FOXO3: variants seen among roughly 807,000 people sequenced by gnomAD.
FOXO3 encodes the protein forkhead box O3.
In FOXO3, 4 loss-of-function variants were observed where a neutral mutation model predicts 41.9. That is an observed-to-expected ratio of 0.10 (90% CI 0.05 to 0.22). The LOEUF is 0.22. Ranked by LOEUF, FOXO3 falls within the 10% of genes least tolerant of loss-of-function variation. The pLI is 1.00. For synonymous variants in FOXO3, 318 were observed against 389.3 expected (o/e 0.82, Z 2.16); for missense variants, 534 against 906.8 (o/e 0.59, Z 5.28).
chr6:108,623,909 T>G (rs939818260), intron 1 of FOXO3, among the ~76,000 whole-genome samples: 18 of 152,336 alleles, frequency 1.2e-4, no homozygotes, highest in African/African-American at 4.3e-4. Flanking sequence ...TAGTTGTTTG[T>G]TAAATGGACT....
At chr6:108,644,339 T>C (rs1778338250) in intron 1 of FOXO3, among the ~76,000 whole-genome samples, 1 of 152,224 alleles carries the variant, frequency 6.6e-6, no homozygotes, top group Non-Finnish European at 1.5e-5. Flanking sequence ...ATGCACTTAA[T>C]AAATGTTAGC....
Position 108,637,443 on chromosome 6 carries a change from T to TG in FOXO3, c.622-26006dup, listed in dbSNP as rs201122603. On this transcript the variant is annotated intron_variant, in intron 1 of 2. Coordinates refer to ENST00000406360, the MANE Select transcript of FOXO3 (RefSeq NM_001455.4). ...AGCCCGTGGTTCTCCCCCAGAATAC[T>TG]GGGGGGCAAATCTCGTTCAATAATA... 4.9e-3 allele frequency among the ~76,000 whole-genome samples: 743 copies of TG among 152,214 alleles called. 11 individuals are homozygous for TG. Among genetic ancestry groups the TG allele is most frequent in the African/African-American group, 0.017 (703 of 41,530 alleles).
chr6:108,676,961 TTA>T (rs1434128235), intron 2 of FOXO3, among the ~76,000 whole-genome samples: 2 of 152,262 alleles, frequency 1.3e-5, no homozygotes, highest in African/African-American at 4.8e-5. Flanking sequence ...TTTCAGTGTT[TTA>T]CAATCTGTTT....
At chr6:108,671,511 A>G (rs987079952) in intron 2 of FOXO3, among the ~76,000 whole-genome samples, 4 of 152,212 alleles carry the variant, frequency 2.6e-5, no homozygotes, top group African/African-American at 9.6e-5. Context: ...CTCATCTCTC[A>G]GTTTCAGTTT....
At chr6:108,585,020 A>ATATTTTT (rs1562233938) in intron 1 of FOXO3, among the ~76,000 whole-genome samples, 1 of 43,432 alleles carries the variant, frequency 2.3e-5, no homozygotes, top group African/African-American at 6.6e-5. Context: ...TATCTCCAAA[A>ATATTTTT]TCTTTTTTTT....
chr6:108,629,430 A>G (rs1207107489), intron 1 of FOXO3, among the ~76,000 whole-genome samples: 1 of 152,146 alleles, frequency 6.6e-6, no homozygotes, highest in African/African-American at 2.4e-5. Flanking sequence ...ACCAGTAGGG[A>G]GAGGTCTGGT....
chr6:108,648,727 G>A (rs1018250183), intron 1 of FOXO3, among the ~76,000 whole-genome samples: 2 of 152,118 alleles, frequency 1.3e-5, no homozygotes, highest in Non-Finnish European at 2.9e-5. Context: ...AGGCACAGTG[G>A]CTCACACCTG....
At chr6:108,574,552 T>C (rs868231790) in intron 1 of FOXO3, among the ~76,000 whole-genome samples, 2 of 152,306 alleles carry the variant, frequency 1.3e-5, no homozygotes, top group South Asian at 4.1e-4. Flanking sequence ...TAATGAAAGA[T>C]ATTAAAATTA....
intron 1 of FOXO3, among the ~76,000 whole-genome samples, chr6:108,567,130 C>T (rs1775967145): frequency 6.6e-6 from 1 of 152,172 alleles, no homozygotes; most frequent in Non-Finnish European, 1.5e-5. Flanking sequence ...GCTGCCTATT[C>T]CCGTTGCCTT....
chr6:108,566,088 C>T (rs543678884), intron 1 of FOXO3, among the ~76,000 whole-genome samples: 1 of 152,244 alleles, frequency 6.6e-6, no homozygotes, highest in South Asian at 2.1e-4. Context: ...CTTTCTACAG[C>T]CCCAGTACAC....
intron 1 of FOXO3, among the ~76,000 whole-genome samples, chr6:108,638,728 GTTTGTTTTC>G (rs1442389549): frequency 1.3e-5 from 2 of 152,168 alleles, no homozygotes; most frequent in Non-Finnish European, 2.9e-5. Context: ...TTACCTTGCA[GTTTGTTTTC>G]TGTTCGTATT....
chr6:108,660,096 G>C (rs1326743784), intron 1 of FOXO3, among the ~76,000 whole-genome samples: 1 of 152,282 alleles, frequency 6.6e-6, no homozygotes, highest in East Asian at 1.9e-4. Flanking sequence ...GGAGTACTTA[G>C]GGTAGGTGTC....
At position 108,614,711 on chromosome 6, in the gene FOXO3, G is replaced by GT. The variant is rs766396837; in HGVS notation, c.622-48744_622-48743insT. On this transcript the variant is annotated intron_variant, in intron 1 of 2. Coordinates refer to ENST00000406360, the MANE Select transcript of FOXO3 (RefSeq NM_001455.4). ...TTGGAGGGTTTTTTGTTGATGTTTT[G>GT]GTTTTTTTTTGTTTTTTATTTTTTG... Among the ~76,000 whole-genome samples, 98 of 148,214 alleles carry GT rather than the reference G, an allele frequency of 6.6e-4. 1 individual carries two copies. Among genetic ancestry groups the GT allele is most frequent in the African/African-American group, 1.3e-3 (54 of 40,254 alleles).
At chr6:108,640,540 T>C (rs577362536) in intron 1 of FOXO3, among the ~76,000 whole-genome samples, 65 of 152,352 alleles carry the variant, frequency 4.3e-4, no homozygotes, top group African/African-American at 1.5e-3. Context: ...TATAAATACA[T>C]GTGCATTATC....
At chr6:108,600,989 A>C (rs987216349) in intron 1 of FOXO3, among the ~76,000 whole-genome samples, 7 of 152,118 alleles carry the variant, frequency 4.6e-5, no homozygotes, top group African/African-American at 1.7e-4. Context: ...AACATTTCTT[A>C]TCACTGCAAG....
chr6:108,623,429 C>T (rs1440270343), intron 1 of FOXO3, among the ~76,000 whole-genome samples: 1 of 152,086 alleles, frequency 6.6e-6, no homozygotes, highest in Non-Finnish European at 1.5e-5. Flanking sequence ...AGAAGCTTGC[C>T]ACCCCCAGGT....
At chr6:108,587,941 G>T (rs564487731) in intron 1 of FOXO3, among the ~76,000 whole-genome samples, 10 of 152,314 alleles carry the variant, frequency 6.6e-5, no homozygotes, top group African/African-American at 9.6e-5. Context: ...CTAGAGAAGG[G>T]CTCCCCCATC....
chr6:108,672,540 G>A (rs932970044), intron 2 of FOXO3, among the ~76,000 whole-genome samples: 13 of 152,078 alleles, frequency 8.5e-5, no homozygotes, highest in African/African-American at 2.2e-4. Context: ...ATTTTAGGTC[G>A]GCTTTGTTTT....
chr6:108,646,955 T>C (rs1778407580), intron 1 of FOXO3, among the ~76,000 whole-genome samples: 2 of 152,232 alleles, frequency 1.3e-5, no homozygotes, highest in South Asian at 2.1e-4. Flanking sequence ...CTGATGTGAC[T>C]TCTCCATATC....
Sources: gnomAD v4.1 joint callset for allele counts (sites outside exome capture counted in the v4.1 genomes callset) on GRCh38, gnomAD v4.1.1 for gene constraint, MANE v1.5 for transcripts, NCBI Gene and HGNC (gene_info 2026-07-23, HGNC 2026-07-21) for gene names.